PYHIN1: variants seen among roughly 807,000 people sequenced by gnomAD.
PYHIN1 encodes pyrin and HIN domain family member 1, also known as pyrin and HIN domain-containing protein 1.
Under a neutral mutation model 43.7 loss-of-function variants are expected in PYHIN1, and 32 were observed. The ratio of observed to expected loss-of-function variants is 0.73; its 90% CI spans 0.55 to 0.98. The LOEUF (loss-of-function observed/expected upper bound fraction) is 0.98. Among genes scored for constraint, PYHIN1 ranks in the 50% least tolerant of loss-of-function variants. PYHIN1 has a pLI of 0.00. For synonymous variants in PYHIN1, 205 were observed against 203.1 expected, an observed-to-expected ratio of 1.01 and a Z score of -0.08; for missense variants, 588 against 589.5, an observed-to-expected ratio of 1.00 and a Z score of 0.03.
chr1:158,957,433 C>A (rs1650012005), intron 7 of PYHIN1, among the ~76,000 whole-genome samples: 1 of 151,948 alleles, frequency 6.6e-6, no homozygotes, highest in South Asian at 2.1e-4. Flanking sequence ...CAGAACAGAG[C>A]CCGCAGAAAT....
At chr1:158,979,397 G>A (rs72480244), downstream of PYHIN1, among the ~76,000 whole-genome samples, 6,234 of 152,186 alleles carry the variant, frequency 0.041, 345 homozygotes, top group East Asian at 0.26. Flanking sequence ...GACTCATGCA[G>A]TATTTATTCT....
At chr1:158,939,681 T>C (rs1648794745) in intron 4 of PYHIN1, 1 of 662,586 alleles carries the variant, frequency 1.5e-6, no homozygotes, top group South Asian at 1.9e-5. Flanking sequence ...TGGATCCCAA[T>C]ATTGAGATCT....
At chr1:158,953,515 C>T (rs368120564) in intron 7 of PYHIN1, among the ~76,000 whole-genome samples, 132 of 150,840 alleles carry the variant, frequency 8.8e-4, no homozygotes, top group East Asian at 2.0e-3. Flanking sequence ...CGGCAGGGTA[C>T]TCCAACAGAC....
At chr1:158,962,979 A>G (rs1296866950) in intron 7 of PYHIN1, among the ~76,000 whole-genome samples, 1 of 152,016 alleles carries the variant, frequency 6.6e-6, no homozygotes. Context: ...CCAGCACACC[A>G]CAGTCACCAT....
chr1:158,986,159 G>T, the PYHIN1 span, among the ~76,000 whole-genome samples: 3 of 152,176 alleles, frequency 2.0e-5, no homozygotes, highest in Non-Finnish European at 4.4e-5. Context: ...TAGCATGGTA[G>T]TTTGGAGGTA....
chr1:158,934,810 C>A (rs1648417700), intron 1 of PYHIN1, among the ~76,000 whole-genome samples: 1 of 152,100 alleles, frequency 6.6e-6, no homozygotes. Context: ...GCAGACTGCA[C>A]CTCCCGGGTT....
intron 8 of PYHIN1, among the ~76,000 whole-genome samples, chr1:158,976,465 T>G (rs1259634757): frequency 6.6e-6 from 1 of 151,978 alleles, no homozygotes; most frequent in East Asian, 1.9e-4. Context: ...CCCTTTCACG[T>G]GGGCTCATGC....
intron 7 of PYHIN1, among the ~76,000 whole-genome samples, chr1:158,948,760 G>A (rs897352124): frequency 1.3e-5 from 2 of 152,174 alleles, no homozygotes; most frequent in African/African-American, 2.4e-5. Context: ...GACAGGGGAC[G>A]TTCTAAGGTG....
intron 8 of PYHIN1, among the ~76,000 whole-genome samples, chr1:158,974,516 A>G (rs2101740027): frequency 6.6e-6 from 1 of 152,128 alleles, no homozygotes; most frequent in East Asian, 1.9e-4. Flanking sequence ...TCATGATATG[A>G]CCAGTGGAGT....
intron 1 of PYHIN1, among the ~76,000 whole-genome samples, chr1:158,932,043 C>G (rs138432341): frequency 6.6e-6 from 1 of 152,270 alleles, no homozygotes; most frequent in East Asian, 1.9e-4. Flanking sequence ...AAAACAAATT[C>G]TCTGAGTATA....
At chr1:158,985,443 A>T in the PYHIN1 span, among the ~76,000 whole-genome samples, 1 of 152,180 alleles carries the variant, frequency 6.6e-6, no homozygotes, top group African/African-American at 2.4e-5. Context: ...AATCATGGTT[A>T]GAATTTCTTT....
At chr1:158,946,803 C>T (rs1649248730) in intron 7 of PYHIN1, among the ~76,000 whole-genome samples, 1 of 152,084 alleles carries the variant, frequency 6.6e-6, no homozygotes, top group Admixed American at 6.5e-5. Flanking sequence ...AAGAGAGGGT[C>T]CTGTTAAAAT....
intron 7 of PYHIN1, among the ~76,000 whole-genome samples, chr1:158,957,208 C>T (rs1260068638): frequency 2.1e-5 from 3 of 143,288 alleles, no homozygotes; most frequent in Non-Finnish European, 4.6e-5. Context: ...CAATGCCATC[C>T]CCATCAAGCT....
At chr1:158,938,987 T>G (rs1357949809) in intron 3 of PYHIN1, 93 bp from the exon 4 acceptor site, 2 of 975,636 alleles carry the variant, frequency 2.0e-6, no homozygotes, top group Non-Finnish European at 2.9e-6. Flanking sequence ...GAAAAACAAT[T>G]TATATACAAT....
chr1:158,957,270 G>T (rs1265921758), intron 7 of PYHIN1, among the ~76,000 whole-genome samples: 1 of 150,302 alleles, frequency 6.7e-6, no homozygotes, highest in Non-Finnish European at 1.5e-5. Context: ...AGTTCATATG[G>T]AACCAAAAAA....
At chr1:158,966,176 G>T (rs1338432915) in intron 7 of PYHIN1, among the ~76,000 whole-genome samples, 1 of 152,072 alleles carries the variant, frequency 6.6e-6, no homozygotes, top group Admixed American at 6.6e-5. Context: ...ACTAACCCAG[G>T]AGGAAACTGA....
intron 7 of PYHIN1, among the ~76,000 whole-genome samples, chr1:158,962,243 C>A (rs1182235033): frequency 6.6e-6 from 1 of 152,212 alleles, no homozygotes; most frequent in Non-Finnish European, 1.5e-5. Flanking sequence ...TGACTTCAGA[C>A]TCCAGTTACT....
At chr1:158,969,519 C>T (rs1405404240) in intron 7 of PYHIN1, among the ~76,000 whole-genome samples, 2 of 151,986 alleles carry the variant, frequency 1.3e-5, no homozygotes, top group Non-Finnish European at 2.9e-5. Flanking sequence ...CTCATTTTTA[C>T]ATTTTGTTTT....
At chr1:158,969,670 T>C (rs566148818) in intron 7 of PYHIN1, among the ~76,000 whole-genome samples, 21 of 151,988 alleles carry the variant, frequency 1.4e-4, no homozygotes, top group Admixed American at 2.6e-4. Flanking sequence ...TGGAGCCCAT[T>C]CCTGGTCATT....
Sources: gnomAD v4.1 joint callset for allele counts (sites outside exome capture counted in the v4.1 genomes callset) on GRCh38, gnomAD v4.1.1 for gene constraint, MANE v1.5 for transcripts, NCBI Gene and HGNC (gene_info 2026-07-23, HGNC 2026-07-21) for gene names.